Variants in TTC27 observed in about 807,000 individuals in gnomAD.
TTC27 encodes the protein tetratricopeptide repeat domain 27.
TTC27 carries 79 observed loss-of-function variants against 115.9 expected under a neutral mutation model. That is an observed-to-expected ratio of 0.68 (90% CI 0.57 to 0.82). The LOEUF is 0.82. TTC27 is among the 40% of genes least tolerant of loss of function. The pLI is 0.00. For synonymous variants in TTC27, 401 were observed against 356.0 expected, an observed-to-expected ratio of 1.13 and a Z score of -1.42; for missense variants, 1,054 against 993.1, an observed-to-expected ratio of 1.06 and a Z score of -0.82.
At chr2:32,803,213 A>C (rs73924056) in intron 16 of TTC27, among the ~76,000 whole-genome samples, 16 of 152,288 alleles carry the variant, frequency 1.1e-4, no homozygotes, top group Middle Eastern at 3.4e-3. Context: ...CATCTTCCTG[A>C]GTAGTTATCT....
At chr2:32,793,182 T>C (rs1229425223) in intron 16 of TTC27, among the ~76,000 whole-genome samples, 1 of 152,128 alleles carries the variant, frequency 6.6e-6, no homozygotes, top group Non-Finnish European at 1.5e-5. Context: ...AAAGAATCCT[T>C]AATAAGATTA....
At chr2:32,687,143 C>T (rs921347848) in intron 9 of TTC27, among the ~76,000 whole-genome samples, 1 of 152,186 alleles carries the variant, frequency 6.6e-6, no homozygotes, top group African/African-American at 2.4e-5. Context: ...TGCACCTGGC[C>T]ATTTCTTGGT....
Position 32,736,802 on chromosome 2 carries a change from G to A in TTC27, c.1438G>A (p.Gly480Arg), listed in dbSNP as rs755798785. The change falls in exon 12 of 20, where the codon GGG becomes AGG. Residue 480 changes from glycine to arginine, a missense_variant. Coordinates refer to ENST00000317907, the MANE Select transcript of TTC27 (RefSeq NM_017735.5). ...TGTTGTCATTTGTTATGAAAGAGCC[G>A]GGCAGCACGGAAAGGTATGTAATAG... is the stretch of plus-strand genomic sequence containing the variant. ...EDVVICYERA[G>R]QHGKAEEILR... 8 of 1,613,788 alleles carry A rather than the reference G, an allele frequency of 5.0e-6. No individual in the cohort carries two copies. Among genetic ancestry groups the A allele is most frequent in the African/African-American group, 2.7e-5 (2 of 75,034 alleles).
intron 7 of TTC27, among the ~76,000 whole-genome samples, chr2:32,670,408 T>G (rs534389907): frequency 3.9e-5 from 6 of 152,274 alleles, no homozygotes; most frequent in Non-Finnish European, 7.4e-5. Flanking sequence ...CTGTCATAGA[T>G]TAGATCTGTC....
At chr2:32,756,162 G>A (rs1379754381) in intron 12 of TTC27, among the ~76,000 whole-genome samples, 11 of 152,096 alleles carry the variant, frequency 7.2e-5, no homozygotes, top group Non-Finnish European at 1.5e-4. Context: ...ACTACAGTAC[G>A]CTGTAACTGG....
At chr2:32,651,487 C>T (rs1304017337) in intron 5 of TTC27, among the ~76,000 whole-genome samples, 1 of 152,190 alleles carries the variant, frequency 6.6e-6, no homozygotes, top group African/African-American at 2.4e-5. Context: ...GCTGGGATTA[C>T]AGGCATGTGC....
At chr2:32,674,245 G>A (rs929782135) in intron 8 of TTC27, among the ~76,000 whole-genome samples, 4 of 151,426 alleles carry the variant, frequency 2.6e-5, no homozygotes, top group African/African-American at 2.4e-5. Flanking sequence ...CCGCCTCCCA[G>A]GTTCAAGCAA....
intron 9 of TTC27, among the ~76,000 whole-genome samples, chr2:32,685,179 A>G (rs112802653): frequency 0.035 from 5,294 of 151,816 alleles, 136 homozygotes; most frequent in Non-Finnish European, 0.046. Flanking sequence ...ACAGGCACGC[A>G]CCACCATGCC....
intron 18 of TTC27, among the ~76,000 whole-genome samples, chr2:32,814,977 A>G (rs966076219): frequency 9.2e-5 from 14 of 152,206 alleles, no homozygotes; most frequent in African/African-American, 2.2e-4. Context: ...TAAGGTAGCC[A>G]TGCACTTCAG....
intron 15 of TTC27, among the ~76,000 whole-genome samples, chr2:32,786,733 G>A (rs1670359598): frequency 6.6e-6 from 1 of 152,058 alleles, no homozygotes; most frequent in African/African-American, 2.4e-5. Context: ...TTAAAATAAT[G>A]TCCTTGTTAC....
At chr2:32,709,979 A>C (rs139655819) in intron 10 of TTC27, among the ~76,000 whole-genome samples, 212 of 152,324 alleles carry the variant, frequency 1.4e-3, no homozygotes, top group African/African-American at 5.0e-3. Flanking sequence ...GAAAAAGTTT[A>C]AGTGTCTGTT....
intron 14 of TTC27, 126 bp downstream of exon 14, chr2:32,778,106 G>GACCT: frequency 1.1e-5 from 8 of 698,070 alleles, no homozygotes; most frequent in East Asian, 2.8e-5. Context: ...AGGGAAGGTC[G>GACCT]TACCTCAAGG....
At chr2:32,645,536 G>T (rs1423635053) in intron 4 of TTC27, among the ~76,000 whole-genome samples, 2 of 151,604 alleles carry the variant, frequency 1.3e-5, no homozygotes, top group African/African-American at 4.8e-5. Context: ...TTCTTTCTTT[G>T]TTTCTTTTTT....
In TTC27 at chr2:32,691,698, A is replaced by G. The variant is rs369307664; in HGVS notation, c.1120-11109A>G. On this transcript the variant is annotated intron_variant, in intron 9 of 19. Transcript: ENST00000317907. Reference sequence around the variant, plus strand: ...CTGAAGAGAATTGATTCTTTAATTTATAAAATATTATAACTATAAATAAAT... The same window carrying G: ...CTGAAGAGAATTGATTCTTTAATTTGTAAAATATTATAACTATAAATAAAT... Among the ~76,000 whole-genome samples, 37 of 151,772 alleles carry G rather than the reference A, an allele frequency of 2.4e-4. No homozygotes were observed. The South Asian group carries it at 7.7e-3, about 32-fold the overall frequency.
intron 3 of TTC27, 93 bp downstream of exon 3, chr2:32,634,098 A>G (rs1664320817): frequency 7.2e-7 from 1 of 1,389,488 alleles, no homozygotes; most frequent in African/African-American, 1.5e-5. Context: ...AGTAGGAAAG[A>G]AACATGACTT....
chr2:32,629,435 TA>T (rs1460312369), intron 1 of TTC27, among the ~76,000 whole-genome samples: 41 of 141,994 alleles, frequency 2.9e-4, no homozygotes, highest in Admixed American at 1.1e-3. Context: ...GGCAATGATT[TA>T]TTTTTTTTAT....
intron 12 of TTC27, among the ~76,000 whole-genome samples, chr2:32,757,732 G>A (rs1050075642): frequency 2.6e-5 from 4 of 151,312 alleles, no homozygotes; most frequent in Non-Finnish European, 5.9e-5. Flanking sequence ...CACTCTTGTT[G>A]TCCAGGCTGG....
chr2:32,663,727 C>A (rs1411035919), intron 5 of TTC27, among the ~76,000 whole-genome samples: 1 of 152,118 alleles, frequency 6.6e-6, no homozygotes, highest in Non-Finnish European at 1.5e-5. Context: ...CTCTGTCGCT[C>A]AGGCTGGAGT....
intron 6 of TTC27, among the ~76,000 whole-genome samples, chr2:32,664,679 A>C (rs996672177): frequency 6.6e-6 from 1 of 152,040 alleles, no homozygotes; most frequent in Non-Finnish European, 1.5e-5. Context: ...TATTGCGCTG[A>C]TCTGTTTAGC....
Sources: allele counts gnomAD v4.1 joint callset (sites outside exome capture counted in the v4.1 genomes callset), GRCh38; gene constraint gnomAD v4.1.1; transcripts MANE v1.5; gene names NCBI Gene and HGNC (gene_info 2026-07-23, HGNC 2026-07-21).